Variants in WDFY4 observed in about 807,000 individuals in gnomAD.
The protein encoded by WDFY4 is WDFY family member 4, also known as WD repeat- and FYVE domain-containing protein 4.
In WDFY4, 169 loss-of-function variants were observed where a neutral mutation model predicts 351.9. The observed-to-expected ratio is 0.48, with a 90% confidence interval of 0.42 to 0.55. The LOEUF (loss-of-function observed/expected upper bound fraction) is 0.55, where lower values mean the gene tolerates loss of function less well. WDFY4 is among the 20% of genes least tolerant of loss of function. The probability of loss-of-function intolerance (pLI) is 0.00; values close to 1 mark genes in which losing one functional copy is unlikely to be tolerated. For missense variants in WDFY4, 3,803 were observed against 3,935.6 expected (o/e 0.97, Z 0.90); for synonymous variants, 1,622 against 1,574.6 (o/e 1.03, Z -0.71).
intron 47 of WDFY4, among the ~76,000 whole-genome samples, chr10:48,940,141 C>A (rs1230553706): frequency 6.6e-6 from 1 of 152,250 alleles, no homozygotes; most frequent in Non-Finnish European, 1.5e-5. Context: ...ATGACCCTCA[C>A]TGTCTCCAGC....
chr10:48,970,279 G>C lies in WDFY4; in HGVS notation c.8918G>C (p.Arg2973Pro). Residue 2973 changes from arginine (R) to proline (P), a missense_variant, in exon 57 of 62, where the codon CGC (arginine) becomes CCC (proline). Physicochemically the swap from Arg to Pro is moderately radical, Grantham distance 103. Coordinates refer to ENST00000325239, the MANE Select transcript of WDFY4 (RefSeq NM_001394531.1). ...SMTKGRPRGL[R>P]LRQALYGHTQ... ...ACCAAAGGCCGCCCGAGGGGCTTGCGCCTCCGGCAGGTATGGTCCAGCTCG... is the reference window on the plus strand; with the variant it reads ...ACCAAAGGCCGCCCGAGGGGCTTGCCCCTCCGGCAGGTATGGTCCAGCTCG... The C allele has an allele frequency of 6.4e-7, 1 of 1,550,670 alleles. No individual in the cohort carries two copies. The highest frequency in any genetic ancestry group is 8.7e-7 in the Non-Finnish European group (1 of 1,146,986).
At chr10:48,907,946 A>C (rs1363746181) in intron 47 of WDFY4, among the ~76,000 whole-genome samples, 1 of 152,182 alleles carries the variant, frequency 6.6e-6, no homozygotes, top group African/African-American at 2.4e-5. Flanking sequence ...TCAAAATGAG[A>C]GTGACAGCCA....
intron 42 of WDFY4, among the ~76,000 whole-genome samples, chr10:48,875,409 TA>T (rs1055793113): frequency 6.6e-6 from 1 of 152,176 alleles, no homozygotes; most frequent in Admixed American, 6.5e-5. Context: ...AGGGAGATCT[TA>T]AAAGTATTCC....
chr10:48,695,752 C>G (rs546697887), intron 1 of WDFY4, among the ~76,000 whole-genome samples: 1 of 152,048 alleles, frequency 6.6e-6, no homozygotes, highest in South Asian at 2.1e-4. Context: ...GTCTCCAACT[C>G]AGGTCTTTGT....
intron 36 of WDFY4, among the ~76,000 whole-genome samples, chr10:48,827,985 G>C (rs527604413): frequency 3.1e-4 from 47 of 151,810 alleles, no homozygotes; most frequent in African/African-American, 1.0e-3. Flanking sequence ...TTATATGCTT[G>C]AGATGATACC....
At chr10:48,949,674 G>C (rs1242254675) in intron 51 of WDFY4, among the ~76,000 whole-genome samples, 1 of 152,216 alleles carries the variant, frequency 6.6e-6, no homozygotes, top group Non-Finnish European at 1.5e-5. Context: ...ACCCAGGCAA[G>C]GAAGCCAGAG....
Position 48,974,527 on chromosome 10 carries a change from A to AAAAAAAAAAAAAAAAAAAC in WDFY4, c.8929-333_8929-332insAAAAAAAAAAAAAAAACAA. Among the ~76,000 whole-genome samples, 20 of 23,196 alleles carry AAAAAAAAAAAAAAAAAAAC rather than the reference A, an allele frequency of 8.6e-4. 3 individuals are homozygous for AAAAAAAAAAAAAAAAAAAC. Among genetic ancestry groups the AAAAAAAAAAAAAAAAAAAC allele is most frequent in the African/African-American group, 1.4e-3 (20 of 13,808 alleles). 15.2% of individuals were successfully genotyped at this position (23,196 alleles called of 152,430 possible). ...CAAAAAAAAAAAAAAAAAAAAAAAAAAACAACTCATGACATGAACTGCTCC... is the reference window on the plus strand; with the variant it reads ...CAAAAAAAAAAAAAAAAAAAAAAAAAAAAAAAAAAAAAAAAAAACAACAACTCATGACATGAACTGCTCC... On this transcript the variant is annotated intron_variant, in intron 57 of 61. Coordinates refer to ENST00000325239, the MANE Select transcript of WDFY4 (RefSeq NM_001394531.1).
intron 47 of WDFY4, among the ~76,000 whole-genome samples, chr10:48,927,685 G>A (rs999844199): frequency 9.9e-5 from 15 of 152,282 alleles, no homozygotes; most frequent in East Asian, 3.9e-4. Flanking sequence ...CTGGAAAGCC[G>A]TTAGCTGTCA....
chr10:48,944,778 C>T (rs1384095882), intron 49 of WDFY4, among the ~76,000 whole-genome samples: 1 of 152,130 alleles, frequency 6.6e-6, no homozygotes, highest in East Asian at 1.9e-4. Flanking sequence ...TTGTTTAGGT[C>T]ATACTAGGTA....
chr10:48,776,970 C>G lies in WDFY4; in HGVS notation c.3084C>G (p.Ser1028=). 6.4e-7 allele frequency: 1 copy of G among 1,552,192 alleles called. No homozygotes were observed. ...LAPSFVEFDM[S]VEGYGCLFIP... is the part of the protein sequence containing the mutation. The stretch of plus-strand genomic sequence containing the variant: ...CATCGTTTGTGGAATTTGACATGTC[C>G]GTGGAAGGTTATGGGTATGACAGGC... The change falls in exon 16 of 62, where the codon TCC becomes TCG. Residue 1028 remains serine, a synonymous_variant. Coordinates refer to ENST00000325239, the MANE Select transcript of WDFY4 (RefSeq NM_001394531.1).
intron 41 of WDFY4, among the ~76,000 whole-genome samples, chr10:48,874,016 C>A (rs2069892901): frequency 6.6e-6 from 1 of 152,204 alleles, no homozygotes; most frequent in African/African-American, 2.4e-5. Context: ...GTGGAATCAT[C>A]TGGATGCAAG....
intron 39 of WDFY4, among the ~76,000 whole-genome samples, chr10:48,857,674 A>C (rs757676637): frequency 1.3e-5 from 2 of 152,164 alleles, no homozygotes; most frequent in Non-Finnish European, 2.9e-5. Flanking sequence ...CTCTATATCC[A>C]TCTAGATGGG....
chr10:48,789,879 C>T lies in WDFY4; in HGVS notation c.3960C>T (p.Asn1320=), dbSNP rs1349084984. The T allele has an allele frequency of 1.9e-6, 3 of 1,552,256 alleles. No homozygotes were observed. The highest frequency in any genetic ancestry group is 1.7e-6 in the Non-Finnish European group (2 of 1,147,118). The change falls in exon 22 of 62, where the codon AAC becomes AAT. Residue 1320 remains asparagine (N), a synonymous_variant. Transcript: ENST00000325239. The part of the protein sequence containing the change: ...VDSRLIAKEM[N]ISSRDNAMPV... Reference sequence around the variant, plus strand: ...ATTGCTGCTCATTTCTCTAGATGAACATTTCATCCCGTGACAATGCCATGC... The same window carrying T: ...ATTGCTGCTCATTTCTCTAGATGAATATTTCATCCCGTGACAATGCCATGC...
chr10:48,753,196 C>T (rs1328229676), intron 12 of WDFY4, among the ~76,000 whole-genome samples: 2 of 151,946 alleles, frequency 1.3e-5, no homozygotes, highest in African/African-American at 2.4e-5. Context: ...AGGGCTTGGC[C>T]CATATTTTAA....
At chr10:48,870,382 T>C (rs575775176) in intron 40 of WDFY4, among the ~76,000 whole-genome samples, 62 of 151,996 alleles carry the variant, frequency 4.1e-4, no homozygotes, top group African/African-American at 1.4e-3. Context: ...AAAAAAGTAG[T>C]TAAAAAGACA....
chr10:48,931,767 T>C (rs1020083238), intron 47 of WDFY4, among the ~76,000 whole-genome samples: 2 of 152,284 alleles, frequency 1.3e-5, no homozygotes, highest in Admixed American at 6.5e-5. Flanking sequence ...TCCTGGAATC[T>C]TCATGAGGTT....
At chr10:48,873,332 C>T (rs1376954425) in intron 40 of WDFY4, among the ~76,000 whole-genome samples, 159 bp from the exon 41 acceptor site, 3 of 152,228 alleles carry the variant, frequency 2.0e-5, no homozygotes, top group African/African-American at 7.2e-5. Context: ...ATAGTCCTGG[C>T]TGCAGTGGGT....
chr10:48,786,690 G>C lies in WDFY4; in HGVS notation c.3628G>C (p.Ala1210Pro). Residue 1210 changes from alanine (A) to proline (P), a missense_variant, in exon 20 of 62, where the codon GCA becomes CCA. Ala to Pro is a conservative substitution (Grantham distance 27, BLOSUM62 -1). Around this residue, in one of 3 missense-constraint regions of WDFY4, gnomAD observed 3,054 missense variants for 3,148.6 expected, o/e 0.97. Transcript: ENST00000325239. ...GCCTTTCCTTTCTATGGATCCATCC[G>C]CATTTGTGGATGTTTATGGATATAT... is the stretch of plus-strand genomic sequence containing the variant. ...PGPFLSMDPS[A>P]FVDVYGYIAT... 6.4e-7 allele frequency: 1 copy of C among 1,552,086 alleles called. No homozygotes were observed. The highest frequency in any genetic ancestry group is 8.7e-7 in the Non-Finnish European group (1 of 1,147,080).
chr10:48,926,247 C>T (rs1189078534), intron 47 of WDFY4, among the ~76,000 whole-genome samples: 1 of 152,192 alleles, frequency 6.6e-6, no homozygotes, highest in Non-Finnish European at 1.5e-5. Flanking sequence ...GCCACTAGCC[C>T]CTCCATGGCC....
Sources: gnomAD v4.1 joint callset for allele counts (sites outside exome capture counted in the v4.1 genomes callset) on GRCh38, gnomAD v4.1.1 for gene constraint, gnomAD v4.1.1 regional missense constraint, MANE v1.5 for transcripts, NCBI Gene and HGNC (gene_info 2026-07-23, HGNC 2026-07-21) for gene names.